Variants in KLHL26 observed in about 807,000 individuals in gnomAD.
KLHL26 encodes the protein kelch-like protein 26.
KLHL26 carries 4 observed loss-of-function variants against 7.1 expected under a neutral mutation model. That is an observed-to-expected ratio of 0.56 (90% CI 0.28 to 1.28). The LOEUF (loss-of-function observed/expected upper bound fraction) is 1.28, where lower values mean the gene tolerates loss of function less well. Ranked by LOEUF, KLHL26 falls within the 50% of genes most tolerant of loss-of-function variation. The pLI is 0.11. For synonymous variants in KLHL26, 465 were observed against 414.1 expected (o/e 1.12, Z -1.49); for missense variants, 896 against 924.6 (o/e 0.97, Z 0.40).
At position 18,668,093 on chromosome 19, in the gene KLHL26, C is replaced by T; in HGVS notation, c.696C>T (p.Arg232=). ...TCGACCTGTTCCGCGCGGCCGTCCG[C>T]TGGCTGCAGCATGACCCGGCCCGGC... ...AEIDLFRAAV[R]WLQHDPARRP... Residue 232 remains arginine (R), a synonymous_variant, in exon 3 of 3, where the codon CGC becomes CGT. Transcript: ENST00000300976. 6.2e-7 allele frequency: 1 copy of T among 1,601,738 alleles called. No individual in the cohort carries two copies. Among genetic ancestry groups the T allele is most frequent in the South Asian group, 1.1e-5 (1 of 91,010 alleles).
In KLHL26 at chr19:18,669,436, T is replaced by A. The variant is rs1254508358; in HGVS notation, c.*191T>A. The stretch of plus-strand genomic sequence containing the variant: ...TCCCAAAGCAGATCCTGGCTGCGAG[T>A]CCATCCGAGGGAGCCTGCCGGCAAA... On this transcript the variant is annotated 3_prime_UTR_variant, in exon 3 of 3. Transcript: ENST00000300976. The A allele has an allele frequency of 6.7e-6, 4 of 594,220 alleles. No homozygotes were observed. The highest frequency in any genetic ancestry group is 3.1e-5 in the Admixed American group (1 of 32,314). 36.8% of individuals were successfully genotyped at this position (594,220 alleles called of 1,614,324 possible).
In KLHL26 at chr19:18,668,135, C is replaced by T. The variant is rs887424959; in HGVS notation, c.738C>T (p.His246=). ...CGGCCCGGCGGCCGCGCGCCAGCCA[C>T]GTGCTCTGCCACATTCGCTTCCCGC... ...HDPARRPRAS[H]VLCHIRFPLM... is the part of the protein sequence containing the mutation. The change falls in exon 3 of 3, where the codon CAC becomes CAT. Residue 246 remains histidine, a synonymous_variant. Transcript: ENST00000300976. 18 of 1,604,838 alleles carry T rather than the reference C, an allele frequency of 1.1e-5. No individual in the cohort carries two copies. In the South Asian group the frequency reaches 1.2e-4, roughly 11 times the overall value.
In KLHL26 at chr19:18,667,657, C is replaced by T. The variant is rs757117032; in HGVS notation, c.267-7C>T. 1.1e-5 allele frequency: 17 copies of T among 1,604,632 alleles called. No individual in the cohort carries two copies. Among genetic ancestry groups the T allele is most frequent in the Non-Finnish European group, 1.4e-5 (17 of 1,174,740 alleles). ...TGCCAGCCACACGTTGTGTTTCTGC[C>T]CTTCAGGGCCATGTTCACCGGCGGC... On this transcript the variant is annotated splice_region_variant and splice_polypyrimidine_tract_variant and intron_variant, in intron 2 of 2. Transcript: ENST00000300976.
intron 1 of KLHL26, among the ~76,000 whole-genome samples, chr19:18,642,565 T>C (rs1976733254): frequency 6.6e-6 from 1 of 151,672 alleles, no homozygotes; most frequent in African/African-American, 2.4e-5. Flanking sequence ...GGTTTCTCCA[T>C]GTTGGCCAGG....
intron 1 of KLHL26, among the ~76,000 whole-genome samples, chr19:18,655,243 A>G (rs1258544732): frequency 6.6e-6 from 1 of 152,196 alleles, no homozygotes; most frequent in Non-Finnish European, 1.5e-5. Flanking sequence ...GCCGGCCTTG[A>G]AAAGCCCCTG....
At position 18,670,450 on chromosome 19, in the gene KLHL26, C is replaced by T. The variant is rs867778312; in HGVS notation, c.*1205C>T. Reference sequence around the variant, plus strand: ...ATTAACCTCCTATCTTAGCAGACATCGTCTCCTAATATTTCCCTTTATTTA... The same window carrying T: ...ATTAACCTCCTATCTTAGCAGACATTGTCTCCTAATATTTCCCTTTATTTA... On this transcript the variant is annotated 3_prime_UTR_variant, in exon 3 of 3. Coordinates refer to ENST00000300976, the MANE Select transcript of KLHL26 (RefSeq NM_018316.3). 1.3e-5 allele frequency: 2 copies of T among 152,136 alleles called. No individual in the cohort carries two copies. Among genetic ancestry groups the T allele is most frequent in the African/African-American group, 4.8e-5 (2 of 41,418 alleles). The allele number at this position is 152,136 out of a possible 1,614,324, so 9.4% of individuals were successfully genotyped here. A position where few individuals can be genotyped will look rare whatever the true frequency, so the allele number is the denominator to read the frequency against.
chr19:18,661,621 T>C (rs1413314512), intron 1 of KLHL26, among the ~76,000 whole-genome samples: 2 of 152,154 alleles, frequency 1.3e-5, no homozygotes, highest in Non-Finnish European at 2.9e-5. Flanking sequence ...CAGAAGGTGC[T>C]GTGATTCCAC....
In KLHL26 at chr19:18,668,312, C is replaced by G. The variant is rs923433649; in HGVS notation, c.915C>G (p.Arg305=). The G allele has an allele frequency of 6.2e-7, 1 of 1,611,036 alleles. No homozygotes were observed. The highest frequency in any genetic ancestry group is 1.3e-5 in the African/African-American group (1 of 74,930). The change falls in exon 3 of 3, where the codon CGC becomes CGG. Residue 305 remains arginine, a synonymous_variant. Transcript: ENST00000300976. ...HEMQSPRTAV[R]SDVPSLVTFG... ...TGCAGTCTCCGCGCACCGCCGTGCG[C>G]TCGGATGTGCCCTCGCTCGTCACCT... is the stretch of plus-strand genomic sequence containing the variant.
At chr19:18,638,437 G>C (rs1976656550) in intron 1 of KLHL26, among the ~76,000 whole-genome samples, 1 of 152,228 alleles carries the variant, frequency 6.6e-6, no homozygotes, top group Non-Finnish European at 1.5e-5. Flanking sequence ...CATTGAATCT[G>C]GTCTGCCAGA....
chr19:18,657,309 TCTGTCTCC>T (rs1250205586), intron 1 of KLHL26, among the ~76,000 whole-genome samples: 1 of 151,284 alleles, frequency 6.6e-6, no homozygotes, highest in African/African-American at 2.4e-5. Flanking sequence ...GGTTGGAGTC[TCTGTCTCC>T]CTGTCTCTGG....
At chr19:18,665,066 T>G (rs1263887471) in intron 2 of KLHL26, among the ~76,000 whole-genome samples, 1 of 151,360 alleles carries the variant, frequency 6.6e-6, no homozygotes, top group Non-Finnish European at 1.5e-5. Flanking sequence ...TTTTGTTTTT[T>G]TTTTTTTTGA....
intron 1 of KLHL26, among the ~76,000 whole-genome samples, chr19:18,645,367 C>G (rs1976783793): frequency 6.6e-6 from 1 of 152,200 alleles, no homozygotes; most frequent in South Asian, 2.1e-4. Context: ...GCCTTGCAGC[C>G]TCTCCGACAT....
chr19:18,637,158 T>C lies in KLHL26; in HGVS notation c.83+21T>C, dbSNP rs914458554. On this transcript the variant is annotated intron_variant, in intron 1 of 2. Transcript: ENST00000300976. Reference sequence around the variant, plus strand: ...AACAGGTGAGACCCGGCCCGCAGGATAGACCTGCACCTGTCTTGGAGCCCA... The same window carrying C: ...AACAGGTGAGACCCGGCCCGCAGGACAGACCTGCACCTGTCTTGGAGCCCA... 5.3e-6 allele frequency: 7 copies of C among 1,317,280 alleles called. No homozygotes were observed. The African/African-American group carries it at 1.1e-4, about 20-fold the overall frequency. 81.6% of individuals were successfully genotyped at this position (1,317,280 alleles called of 1,614,324 possible).
Position 18,669,116 on chromosome 19 carries a change from C to T in KLHL26, c.1719C>T (p.Asn573=), listed in dbSNP as rs372906140. 207 of 1,612,836 alleles carry T rather than the reference C, an allele frequency of 1.3e-4. No homozygotes were observed. The highest frequency in any genetic ancestry group is 1.7e-4 in the Non-Finnish European group (196 of 1,179,982). ...GGGGCTACAACTGGCGTCTCAACAA[C>T]GTCACGGGCATCGTACAGGTGTACA... The part of the protein sequence containing the change: ...IVGGYNWRLN[N]VTGIVQVYNT... Residue 573 remains asparagine, a synonymous_variant, in exon 3 of 3, where the codon AAC becomes AAT. Coordinates refer to ENST00000300976, the MANE Select transcript of KLHL26 (RefSeq NM_018316.3).
chr19:18,669,942 G>T lies in KLHL26; in HGVS notation c.*697G>T, dbSNP rs1015459562. ...ATCAACTCCTAGAAACGCTCCTTAGGGGCTTGGGACCTTCCATTTGGCACT... is the reference window on the plus strand; with the variant it reads ...ATCAACTCCTAGAAACGCTCCTTAGTGGCTTGGGACCTTCCATTTGGCACT... On this transcript the variant is annotated 3_prime_UTR_variant, in exon 3 of 3. Transcript: ENST00000300976. 6.6e-6 allele frequency: 1 copy of T among 152,320 alleles called. No individual in the cohort carries two copies. The highest frequency in any genetic ancestry group is 1.5e-5 in the Non-Finnish European group (1 of 68,140). The allele number at this position is 152,320 out of a possible 1,614,324, so 9.4% of individuals were successfully genotyped here. A position where few individuals can be genotyped will look rare whatever the true frequency, so the allele number is the denominator to read the frequency against.
Position 18,656,820 on chromosome 19 carries a change from G to A in KLHL26, c.84-7441G>A, listed in dbSNP as rs1473305310. Among the ~76,000 whole-genome samples the A allele has an allele frequency of 6.6e-6, 1 of 152,122 alleles. No homozygotes were observed. Among genetic ancestry groups the A allele is most frequent in the East Asian group, 1.9e-4 (1 of 5,202 alleles). ...CCTCCCAGCACAGGGCGGGAGTGGC[G>A]GGTTCCTGTTTGAAATGATTCGTGA... On this transcript the variant is annotated intron_variant, in intron 1 of 2. Coordinates refer to ENST00000300976, the MANE Select transcript of KLHL26 (RefSeq NM_018316.3). This position sits in a 1 kb window ranked among gnomAD's most constrained non-coding sequence, Gnocchi z 4.4.
intron 1 of KLHL26, among the ~76,000 whole-genome samples, chr19:18,662,223 C>T (rs922433010): frequency 5.3e-5 from 8 of 152,166 alleles, no homozygotes; most frequent in African/African-American, 1.2e-4. Flanking sequence ...TCCTCCCATC[C>T]CTCCCCGCAA....
intron 1 of KLHL26, among the ~76,000 whole-genome samples, chr19:18,655,323 C>T (rs2052318652): frequency 6.6e-6 from 1 of 152,220 alleles, no homozygotes. Context: ...CGAGCTGTCT[C>T]AGCCCTCTGA....
At chr19:18,658,917 C>G (rs2052363501) in intron 1 of KLHL26, among the ~76,000 whole-genome samples, 1 of 150,040 alleles carries the variant, frequency 6.7e-6, no homozygotes, top group Non-Finnish European at 1.5e-5. Flanking sequence ...CTCTCTGGGT[C>G]TCTGTCTGTC....
Sources: allele counts gnomAD v4.1 joint callset (sites outside exome capture counted in the v4.1 genomes callset), GRCh38; gene constraint gnomAD v4.1.1; non-coding constraint Gnocchi (gnomAD v3.1); transcripts MANE v1.5; gene names NCBI Gene and HGNC (gene_info 2026-07-23, HGNC 2026-07-21).